EPHB1: variants seen among roughly 807,000 people sequenced by gnomAD.
The protein encoded by EPHB1 is EPH receptor B1, also known as ephrin type-B receptor 1.
EPHB1 carries 30 observed loss-of-function variants against 94.4 expected under a neutral mutation model. The ratio of observed to expected loss-of-function variants is 0.32; its 90% CI spans 0.24 to 0.43. The LOEUF is 0.43. Ranked by LOEUF, EPHB1 falls within the 20% of genes least tolerant of loss-of-function variation. The pLI, the probability that EPHB1 is intolerant of heterozygous loss-of-function variation, is 1.00. For synonymous variants in EPHB1, 522 were observed against 489.1 expected, an observed-to-expected ratio of 1.07 and a Z score of -0.89; for missense variants, 1,055 against 1,308.3, an observed-to-expected ratio of 0.81 and a Z score of 2.99.
chr3:135,053,525 T>C (rs561504238), intron 3 of EPHB1, among the ~76,000 whole-genome samples: 7 of 152,268 alleles, frequency 4.6e-5, no homozygotes, highest in African/African-American at 1.7e-4. Flanking sequence ...CACAGCAAGA[T>C]GAAGATTTTG....
In EPHB1 at chr3:135,042,789, G is replaced by A. The variant is rs150111875; in HGVS notation, c.806-63659G>A. Among the ~76,000 whole-genome samples, 137 of 152,222 alleles carry A rather than the reference G, an allele frequency of 9.0e-4. 5 individuals are homozygous for A. In the East Asian group the frequency reaches 0.024, roughly 26 times the overall value. On this transcript the variant is annotated intron_variant, in intron 3 of 15. Coordinates refer to ENST00000398015, the MANE Select transcript of EPHB1 (RefSeq NM_004441.5). ...TCCAACTGATCACAGGAAAATTCTC[G>A]TGACTCATACTCTAAGACCTCTTCC...
intron 3 of EPHB1, among the ~76,000 whole-genome samples, chr3:135,034,354 G>T (rs1576333766): frequency 6.6e-6 from 1 of 152,200 alleles, no homozygotes; most frequent in African/African-American, 2.4e-5. Context: ...TTCAGGGAGG[G>T]CAAGGGGCAG....
chr3:135,017,988 A>G (rs1935858818), intron 3 of EPHB1, among the ~76,000 whole-genome samples: 1 of 152,016 alleles, frequency 6.6e-6, no homozygotes, highest in Non-Finnish European at 1.5e-5. Flanking sequence ...CACATGCACC[A>G]TGCCTGGACT....
chr3:135,254,960 A>G (rs946873829), intron 15 of EPHB1, among the ~76,000 whole-genome samples: 12 of 152,314 alleles, frequency 7.9e-5, no homozygotes, highest in African/African-American at 2.6e-4. Flanking sequence ...TGCATGTGTC[A>G]AGGAATTTAT....
rs59749584 is a variant in EPHB1, at chr3:135,012,086, G to A, written c.805+60034G>A. 5.3e-3 allele frequency among the ~76,000 whole-genome samples: 803 copies of A among 152,270 alleles called. 5 individuals are homozygous for A. The highest frequency in any genetic ancestry group is 0.018 in the African/African-American group (759 of 41,544). ...GTAATGAGGGACCACTTGATCTGGT[G>A]GCAGTGATTCAAACTGAAGGTGCCT... On this transcript the variant is annotated intron_variant, in intron 3 of 15. Coordinates refer to ENST00000398015, the MANE Select transcript of EPHB1 (RefSeq NM_004441.5).
intron 2 of EPHB1, among the ~76,000 whole-genome samples, chr3:134,934,074 C>T (rs1023542391): frequency 2.6e-5 from 4 of 151,928 alleles, no homozygotes; most frequent in Non-Finnish European, 5.9e-5. Context: ...CTCCCACCCA[C>T]TCTTTATCTT....
chr3:135,057,293 A>T (rs913594970), intron 3 of EPHB1, among the ~76,000 whole-genome samples: 1 of 152,126 alleles, frequency 6.6e-6, no homozygotes, highest in Non-Finnish European at 1.5e-5. Flanking sequence ...GATGAAAGGG[A>T]TGGAGAGGAG....
chr3:135,010,523 T>A (rs1935581948), intron 3 of EPHB1, among the ~76,000 whole-genome samples: 1 of 151,652 alleles, frequency 6.6e-6, no homozygotes. Context: ...GTGCAGTGAG[T>A]CTGAGGTGGG....
intron 3 of EPHB1, among the ~76,000 whole-genome samples, chr3:135,049,382 T>C (rs1937101050): frequency 1.3e-5 from 2 of 152,372 alleles, no homozygotes; most frequent in Admixed American, 6.5e-5. Flanking sequence ...AGATGATGGC[T>C]GAGGCTGGGG....
At chr3:135,052,913 GT>G (rs1937217810) in intron 3 of EPHB1, among the ~76,000 whole-genome samples, 1 of 83,816 alleles carries the variant, frequency 1.2e-5, no homozygotes, top group Non-Finnish European at 2.0e-5. Flanking sequence ...ATATATATGT[GT>G]GTGTGTGTGT....
intron 2 of EPHB1, among the ~76,000 whole-genome samples, chr3:134,933,472 G>T (rs972967693): frequency 2.6e-5 from 4 of 152,002 alleles, no homozygotes; most frequent in Admixed American, 6.6e-5. Context: ...CTACTGGAAG[G>T]CCAGGGAGAA....
chr3:134,801,066 A>C (rs2035925093), intron 1 of EPHB1, among the ~76,000 whole-genome samples: 1 of 152,018 alleles, frequency 6.6e-6, no homozygotes, highest in South Asian at 2.1e-4. Flanking sequence ...TCTAGTGCTG[A>C]CTCTGCCATT....
chr3:134,896,803 C>T (rs1008080764), intron 1 of EPHB1, among the ~76,000 whole-genome samples: 9 of 152,226 alleles, frequency 5.9e-5, no homozygotes, highest in East Asian at 1.9e-4. Flanking sequence ...ATCTGTATGC[C>T]GACTGCGGCT....
chr3:135,175,849 G>T (rs1038677407), intron 9 of EPHB1, among the ~76,000 whole-genome samples: 3 of 152,100 alleles, frequency 2.0e-5, no homozygotes, highest in Non-Finnish European at 2.9e-5. Context: ...CAAATGTTTG[G>T]CTGTGCCTGA....
At chr3:135,227,552 G>A (rs565208703) in intron 12 of EPHB1, among the ~76,000 whole-genome samples, 8 of 152,090 alleles carry the variant, frequency 5.3e-5, no homozygotes, top group South Asian at 2.1e-4. Flanking sequence ...CCCCTTCAGC[G>A]CCTCACTTCA....
In EPHB1 at chr3:134,795,614, G is replaced by C; in HGVS notation, c.-18G>C. ...TGCTGCCTCGGCTTGGTCTCGGCCT[G>C]CGGGCCGTCGGCCGGCGATGGCCCT... On this transcript the variant is annotated 5_prime_UTR_variant, in exon 1 of 16. Coordinates refer to ENST00000398015, the MANE Select transcript of EPHB1 (RefSeq NM_004441.5). 6.2e-7 allele frequency: 1 copy of C among 1,603,566 alleles called. No homozygotes were observed. The highest frequency in any genetic ancestry group is 8.5e-7 in the Non-Finnish European group (1 of 1,176,148).
At chr3:135,210,794 C>T (rs1943014285) in intron 12 of EPHB1, among the ~76,000 whole-genome samples, 1 of 152,128 alleles carries the variant, frequency 6.6e-6, no homozygotes, top group Admixed American at 6.5e-5. Flanking sequence ...TGCCAGACTC[C>T]CTGCTCAACT....
At chr3:134,977,928 C>T (rs1934250485) in intron 3 of EPHB1, 1 of 455,108 alleles carries the variant, frequency 2.2e-6, no homozygotes, top group Non-Finnish European at 4.4e-6. Flanking sequence ...GAAGGAGGCA[C>T]TTGCCTGATG....
At chr3:134,878,020 T>TCCTGG (rs916114728) in intron 1 of EPHB1, among the ~76,000 whole-genome samples, 4 of 152,160 alleles carry the variant, frequency 2.6e-5, no homozygotes, top group African/African-American at 9.7e-5. Flanking sequence ...CTGCTCTGCC[T>TCCTGG]CCTGGCCTGG....
Sources: gnomAD v4.1 joint callset for allele counts (sites outside exome capture counted in the v4.1 genomes callset) on GRCh38, gnomAD v4.1.1 for gene constraint, MANE v1.5 for transcripts, NCBI Gene and HGNC (gene_info 2026-07-23, HGNC 2026-07-21) for gene names.